The following RBFOX1 variants were observed in gnomAD, a reference collection of about 807,000 sequenced individuals.
RBFOX1 encodes RNA binding fox-1 homolog 1, also known as RNA binding protein fox-1 homolog 1.
In RBFOX1, 8 loss-of-function variants were observed where a neutral mutation model predicts 57.7. The observed-to-expected ratio is 0.14, with a 90% CI of 0.08 to 0.25. The LOEUF (loss-of-function observed/expected upper bound fraction) is 0.25, where lower values mean the gene tolerates loss of function less well. Ranked by LOEUF, RBFOX1 falls within the 10% of genes least tolerant of loss-of-function variation. RBFOX1 has a pLI of 1.00. For missense variants in RBFOX1, 611 were observed against 548.5 expected (o/e 1.11, Z -1.14); for synonymous variants, 326 against 222.4 (o/e 1.47, Z -4.15).
At chr16:5,751,623 G>A (rs551128524) in intron 3 of RBFOX1, among the ~76,000 whole-genome samples, 4 of 152,272 alleles carry the variant, frequency 2.6e-5, no homozygotes, top group Admixed American at 2.0e-4. Flanking sequence ...GAGCAGAACC[G>A]CATCAGTCTC....
intron 5 of RBFOX1, among the ~76,000 whole-genome samples, chr16:7,549,904 C>T (rs554015913): frequency 6.6e-6 from 1 of 152,086 alleles, no homozygotes; most frequent in Non-Finnish European, 1.5e-5. Flanking sequence ...ACAATATTAA[C>T]CATCATCATA....
chr16:6,798,288 A>G (rs1372097748), intron 3 of RBFOX1, among the ~76,000 whole-genome samples: 2 of 152,154 alleles, frequency 1.3e-5, no homozygotes, highest in African/African-American at 4.8e-5. Flanking sequence ...GAATCTGCAT[A>G]GATTGTATCT....
intron 3 of RBFOX1, among the ~76,000 whole-genome samples, chr16:6,687,281 C>G (rs532769885): frequency 6.6e-6 from 1 of 151,956 alleles, no homozygotes; most frequent in Non-Finnish European, 1.5e-5. Flanking sequence ...TTTGGATACT[C>G]AGAAGGGGGA....
intron 5 of RBFOX1, among the ~76,000 whole-genome samples, chr16:7,564,168 A>G (rs1398841383): frequency 2.6e-5 from 4 of 152,146 alleles, no homozygotes; most frequent in Non-Finnish European, 4.4e-5. Flanking sequence ...CCACGAGAGT[A>G]GAGCCCGATG....
chr16:6,480,953 C>T (rs1027267966), intron 2 of RBFOX1, among the ~76,000 whole-genome samples: 44 of 152,068 alleles, frequency 2.9e-4, no homozygotes, highest in Non-Finnish European at 2.9e-5. Flanking sequence ...TCTGTTGCCT[C>T]CCCCCACAAC....
intron 1 of RBFOX1, among the ~76,000 whole-genome samples, chr16:6,314,628 G>T (rs547368795): frequency 1.3e-5 from 2 of 151,954 alleles, no homozygotes; most frequent in South Asian, 4.2e-4. Flanking sequence ...AGAATGTAAG[G>T]ATATGTTCGG....
At chr16:7,283,255 C>A (rs1026358610) in intron 4 of RBFOX1, among the ~76,000 whole-genome samples, 1 of 151,818 alleles carries the variant, frequency 6.6e-6, no homozygotes, top group African/African-American at 2.4e-5. Flanking sequence ...CGTTCATCCC[C>A]TAGTGCTTGG....
intron 1 of RBFOX1, among the ~76,000 whole-genome samples, chr16:5,318,231 C>A (rs552647745): frequency 1.3e-5 from 2 of 152,122 alleles, no homozygotes; most frequent in African/African-American, 2.4e-5. Flanking sequence ...CAGGTTCAAG[C>A]GATTCTTGTT....
At chr16:5,801,931 C>T (rs1160334235) in intron 3 of RBFOX1, among the ~76,000 whole-genome samples, 1 of 152,074 alleles carries the variant, frequency 6.6e-6, no homozygotes, top group East Asian at 1.9e-4. Context: ...AGCGAATTCC[C>T]CTCTCCCCCG....
chr16:7,455,457 T>G (rs1283094827), intron 4 of RBFOX1, among the ~76,000 whole-genome samples: 1 of 152,136 alleles, frequency 6.6e-6, no homozygotes, highest in Non-Finnish European at 1.5e-5. Flanking sequence ...ATTAAATATT[T>G]ACATAGATAT....
At chr16:6,520,361 C>T (rs1272082649) in intron 2 of RBFOX1, among the ~76,000 whole-genome samples, 1 of 152,122 alleles carries the variant, frequency 6.6e-6, no homozygotes, top group African/African-American at 2.4e-5. Flanking sequence ...GTCTACCTTT[C>T]TTAGAGGGTC....
intron 3 of RBFOX1, among the ~76,000 whole-genome samples, chr16:6,742,180 T>TTG (rs1290003389): frequency 6.6e-6 from 1 of 152,140 alleles, no homozygotes; most frequent in Non-Finnish European, 1.5e-5. Context: ...TAAAGTGACT[T>TTG]GAAGAAATAT....
chr16:6,750,127 T>C (rs1266767271), intron 3 of RBFOX1, among the ~76,000 whole-genome samples: 2 of 152,184 alleles, frequency 1.3e-5, no homozygotes, highest in African/African-American at 4.8e-5. Context: ...GAACTGCAGC[T>C]GTTGTATTTG....
At chr16:5,955,356 AAAAAT>A (rs71142658) in intron 4 of RBFOX1, among the ~76,000 whole-genome samples, 3,288 of 26,918 alleles carry the variant, frequency 0.12, 221 homozygotes, top group East Asian at 0.26. Context: ...TAAAATAAAT[AAAAAT>A]AAAATAAAAT....
At chr16:5,683,016 A>G (rs1310252711) in intron 3 of RBFOX1, among the ~76,000 whole-genome samples, 1 of 152,160 alleles carries the variant, frequency 6.6e-6, no homozygotes, top group Non-Finnish European at 1.5e-5. Flanking sequence ...ATTCACTTAC[A>G]GAATGGGGAG....
chr16:6,374,790 A>G (rs547709926), intron 2 of RBFOX1, among the ~76,000 whole-genome samples: 8 of 152,348 alleles, frequency 5.3e-5, no homozygotes, highest in African/African-American at 1.9e-4. Context: ...ATTATAAAAC[A>G]CCTTCCTTTG....
chr16:6,691,983 G>T (rs528402703), intron 3 of RBFOX1, among the ~76,000 whole-genome samples: 1 of 152,116 alleles, frequency 6.6e-6, no homozygotes, highest in African/African-American at 2.4e-5. Context: ...TTAGGGACAT[G>T]GATTTTTCCC....
intron 2 of RBFOX1, among the ~76,000 whole-genome samples, chr16:6,644,764 G>C (rs61203167): frequency 6.6e-6 from 1 of 151,966 alleles, no homozygotes; most frequent in Non-Finnish European, 1.5e-5. Context: ...ACAGCAGCCT[G>C]TGATTGCCCT....
chr16:6,016,058 C>T (rs1242840619), upstream of RBFOX1, among the ~76,000 whole-genome samples: 3 of 152,214 alleles, frequency 2.0e-5, no homozygotes, highest in Non-Finnish European at 4.4e-5. Context: ...CAGCAATCTA[C>T]TGCAGGAAAG....
Sources: gnomAD v4.1 joint callset for allele counts (sites outside exome capture counted in the v4.1 genomes callset) on GRCh38, gnomAD v4.1.1 for gene constraint, MANE v1.5 for transcripts, NCBI Gene and HGNC (gene_info 2026-07-23, HGNC 2026-07-21) for gene names.